CNTNAP2: variants seen among roughly 807,000 people sequenced by gnomAD.
The protein encoded by CNTNAP2 is contactin associated protein 2.
Under a neutral mutation model 155.2 loss-of-function variants are expected in CNTNAP2, and 98 were observed. The ratio of observed to expected loss-of-function variants is 0.63; its 90% CI spans 0.54 to 0.75. The LOEUF is 0.75. Among genes scored for constraint, CNTNAP2 ranks in the 30% least tolerant of loss-of-function variants. The pLI is 0.00. For synonymous variants in CNTNAP2, 651 were observed against 631.2 expected, an observed-to-expected ratio of 1.03 and a Z score of -0.47; for missense variants, 1,727 against 1,688.1, an observed-to-expected ratio of 1.02 and a Z score of -0.40.
At chr7:147,994,930 C>T (rs145093434) in intron 15 of CNTNAP2, among the ~76,000 whole-genome samples, 4 of 152,294 alleles carry the variant, frequency 2.6e-5, no homozygotes, top group Non-Finnish European at 5.9e-5. Context: ...TAGTTGTACT[C>T]ATGGGTATGA....
intron 13 of CNTNAP2, among the ~76,000 whole-genome samples, chr7:147,661,355 C>T (rs1022634439): frequency 1.3e-5 from 2 of 151,954 alleles, no homozygotes; most frequent in South Asian, 2.1e-4. Flanking sequence ...AAGTGTTTAG[C>T]CCAATCCAGT....
rs575998267 is a variant in CNTNAP2 at position 147,855,783 on chromosome 7, C to G, written c.2099-47782C>G. 4.6e-5 allele frequency among the ~76,000 whole-genome samples: 7 copies of G among 152,236 alleles called. No individual in the cohort carries two copies. The South Asian group carries it at 1.5e-3, about 32-fold the overall frequency. The stretch of plus-strand genomic sequence containing the variant: ...GAAAAAATATATATTAAAGATGAAA[C>G]ATCTACTAATGCCCAGCCCTGCAAA... On this transcript the variant is annotated intron_variant, in intron 13 of 23. Transcript: ENST00000361727.
chr7:148,274,262 G>C (rs1485312058), intron 21 of CNTNAP2, among the ~76,000 whole-genome samples: 4 of 150,558 alleles, frequency 2.7e-5, no homozygotes, highest in Admixed American at 2.6e-4. Context: ...AAAACTCCTT[G>C]CTTTGTTAAG....
At chr7:148,219,222 G>A (rs1456922693) in intron 19 of CNTNAP2, among the ~76,000 whole-genome samples, 1 of 152,096 alleles carries the variant, frequency 6.6e-6, no homozygotes, top group Non-Finnish European at 1.5e-5. Context: ...TTACTGGTGT[G>A]AACCACTGCG....
At chr7:147,033,798 GA>G (rs71525985) in intron 3 of CNTNAP2, among the ~76,000 whole-genome samples, 8,494 of 118,790 alleles carry the variant, frequency 0.072, 301 homozygotes, top group African/African-American at 0.14. Context: ...GTGAAGAGGG[GA>G]AAAAAAAAAA....
At chr7:147,292,935 A>G (rs1456724661) in intron 8 of CNTNAP2, among the ~76,000 whole-genome samples, 1 of 151,910 alleles carries the variant, frequency 6.6e-6, no homozygotes, top group African/African-American at 2.4e-5. Flanking sequence ...ATGCTGGCTA[A>G]TTTTGTATTT....
intron 8 of CNTNAP2, among the ~76,000 whole-genome samples, chr7:147,288,105 A>G (rs1469707432): frequency 1.3e-5 from 2 of 152,126 alleles, no homozygotes; most frequent in Non-Finnish European, 2.9e-5. Flanking sequence ...CTTTGCATCA[A>G]ATCATCATGT....
At chr7:147,333,972 G>C (rs1392365459) in intron 9 of CNTNAP2, among the ~76,000 whole-genome samples, 2 of 152,134 alleles carry the variant, frequency 1.3e-5, no homozygotes, top group Non-Finnish European at 2.9e-5. Context: ...TTGGATCCAT[G>C]ATGAGACACA....
At chr7:146,358,427 T>A (rs761756527) in intron 1 of CNTNAP2, among the ~76,000 whole-genome samples, 1 of 152,170 alleles carries the variant, frequency 6.6e-6, no homozygotes, top group Non-Finnish European at 1.5e-5. Context: ...GTCTAAAAGA[T>A]TTTCCTGGAC....
Position 146,674,558 on chromosome 7 carries a change from C to G in CNTNAP2, c.98-99713C>G, listed in dbSNP as rs116727129. 6.3e-3 allele frequency among the ~76,000 whole-genome samples: 956 copies of G among 151,954 alleles called. 9 individuals are homozygous for G. Among genetic ancestry groups the G allele is most frequent in the African/African-American group, 0.022 (914 of 41,460 alleles). On this transcript the variant is annotated intron_variant, in intron 1 of 23. Transcript: ENST00000361727. The stretch of plus-strand genomic sequence containing the variant: ...TCCTTCTTAGGTTCAGTGGCTGAGG[C>G]CTGTGAATTATACTGACAAAAGAGA...
At chr7:148,303,406 C>T (rs565726627) in intron 21 of CNTNAP2, among the ~76,000 whole-genome samples, 11 of 152,264 alleles carry the variant, frequency 7.2e-5, no homozygotes, top group East Asian at 3.9e-4. Context: ...ACAGCCAACA[C>T]GCCATGAGAG....
chr7:147,514,211 C>T (rs984887152), intron 11 of CNTNAP2, among the ~76,000 whole-genome samples: 1 of 152,022 alleles, frequency 6.6e-6, no homozygotes, highest in African/African-American at 2.4e-5. Flanking sequence ...ACAGAACAAC[C>T]ATATTGGTTT....
intron 21 of CNTNAP2, among the ~76,000 whole-genome samples, chr7:148,351,744 C>CAAAAAAAAAAAAGAAAAAAAA (rs1798430556): frequency 1.2e-5 from 1 of 85,396 alleles, no homozygotes; most frequent in Non-Finnish European, 2.1e-5. Flanking sequence ...CTCTGTCTCA[C>CAAAAAAAAAAAAGAAAAAAAA]AAAAAAAAAA....
At chr7:146,709,957 G>T (rs1801034814) in intron 1 of CNTNAP2, among the ~76,000 whole-genome samples, 1 of 152,152 alleles carries the variant, frequency 6.6e-6, no homozygotes. Context: ...CATTGTATAG[G>T]AGAGACTCAA....
chr7:147,689,540 T>G (rs1367404827), intron 13 of CNTNAP2, among the ~76,000 whole-genome samples: 2 of 152,224 alleles, frequency 1.3e-5, no homozygotes, highest in African/African-American at 4.8e-5. Context: ...TTTGTCCGAT[T>G]TCTTTCTGCT....
chr7:147,504,267 G>C (rs1381125527), intron 11 of CNTNAP2, among the ~76,000 whole-genome samples: 2 of 152,136 alleles, frequency 1.3e-5, no homozygotes, highest in South Asian at 4.1e-4. Context: ...AGTAAGTTCA[G>C]GGTACCTCTG....
intron 1 of CNTNAP2, among the ~76,000 whole-genome samples, chr7:146,320,045 G>A (rs979755537): frequency 5.3e-5 from 8 of 150,714 alleles, no homozygotes; most frequent in African/African-American, 2.0e-4. Flanking sequence ...TCCATTAATG[G>A]TTTTATTTGG....
intron 1 of CNTNAP2, among the ~76,000 whole-genome samples, chr7:146,765,091 G>A (rs1296989896): frequency 1.3e-5 from 2 of 152,210 alleles, no homozygotes; most frequent in East Asian, 3.9e-4. Flanking sequence ...GAACACCAAA[G>A]TCTTATGTTC....
intron 9 of CNTNAP2, among the ~76,000 whole-genome samples, chr7:147,394,121 T>G (rs1381119667): frequency 6.6e-6 from 1 of 151,976 alleles, no homozygotes; most frequent in Non-Finnish European, 1.5e-5. Flanking sequence ...CATTTCATAA[T>G]AGTGAGTGAG....
Sources: allele counts gnomAD v4.1 joint callset (sites outside exome capture counted in the v4.1 genomes callset), GRCh38; gene constraint gnomAD v4.1.1; transcripts MANE v1.5; gene names NCBI Gene and HGNC (gene_info 2026-07-23, HGNC 2026-07-21).